EVI5L: variants seen among roughly 807,000 people sequenced by gnomAD.
EVI5L encodes EVI5-like protein.
In EVI5L, 30 loss-of-function variants were observed where a neutral mutation model predicts 106.1. The observed-to-expected ratio is 0.28, with a 90% CI of 0.21 to 0.38. The LOEUF (loss-of-function observed/expected upper bound fraction) is 0.38, where lower values mean the gene tolerates loss of function less well. Ranked by LOEUF, EVI5L falls within the 10% of genes least tolerant of loss-of-function variation. The probability of loss-of-function intolerance (pLI) is 1.00; values close to 1 mark genes in which losing one functional copy is unlikely to be tolerated. For synonymous variants in EVI5L, 489 were observed against 483.3 expected (o/e 1.01, Z -0.15); for missense variants, 809 against 1,098.0 (o/e 0.74, Z 3.72).
chr19:7,853,003 C>G lies in EVI5L; in HGVS notation c.988-83C>G, dbSNP rs755263820. The G allele has an allele frequency of 3.2e-5, 45 of 1,402,912 alleles. No homozygotes were observed. In the Admixed American group the frequency reaches 4.0e-4, roughly 12 times the overall value. 86.9% of individuals were successfully genotyped at this position (1,402,912 alleles called of 1,614,324 possible). A position where few individuals can be genotyped will look rare whatever the true frequency, so the allele number is the denominator to read the frequency against. On this transcript the variant is annotated intron_variant, in intron 8 of 19. Coordinates refer to ENST00000538904, the MANE Select transcript of EVI5L (RefSeq NM_001159944.3). ...CCCCGGGCAGACCCGTTCCTGCCCC[C>G]CTCCAGGGCAACAGGGCTCGGGCGG...
chr19:7,853,437 C>G, intron 10 of EVI5L, 104 bp downstream of exon 10: 1 of 1,462,294 alleles, frequency 6.8e-7, no homozygotes, highest in Non-Finnish European at 9.3e-7. Context: ...TCCCAGCGCA[C>G]AGGCGGACCC....
rs1978900865 is a variant in EVI5L, at chr19:7,845,197, G to A, written c.-47-1299G>A. On this transcript the variant is annotated intron_variant, in intron 1 of 19. Coordinates refer to ENST00000538904, the MANE Select transcript of EVI5L (RefSeq NM_001159944.3). This position sits in a 1 kb window ranked among gnomAD's most constrained non-coding sequence, Gnocchi z 4.0. ...AGCGTGCCGGGCAGTGGGCGGGCAT[G>A]AGGAGCCGTGCAAATAAGGAGGCAG... Among the ~76,000 whole-genome samples the A allele has an allele frequency of 6.6e-6, 1 of 152,172 alleles. No individual in the cohort carries two copies. Among genetic ancestry groups the A allele is most frequent in the Non-Finnish European group, 1.5e-5 (1 of 68,010 alleles).
chr19:7,857,069 T>TGGGAACCCCCTTCGCC lies in EVI5L; in HGVS notation c.1201-19_1201-4dup, dbSNP rs754035245. On this transcript the variant is annotated intron_variant, in intron 11 of 19. Coordinates refer to ENST00000538904, the MANE Select transcript of EVI5L (RefSeq NM_001159944.3). This position sits in a 1 kb window ranked among gnomAD's most constrained non-coding sequence, Gnocchi z 4.5. ...CCGCTCTGCCTCCTCCCCCTGTCGC[T>TGGGAACCCCCTTCGCC]GGGAACCCCCTTCGCCGGGTAGGAG... 2 of 1,551,854 alleles carry TGGGAACCCCCTTCGCC rather than the reference T, an allele frequency of 1.3e-6. No homozygotes were observed. Among genetic ancestry groups the TGGGAACCCCCTTCGCC allele is most frequent in the South Asian group, 2.4e-5 (2 of 84,066 alleles).
intron 10 of EVI5L, 39 bp downstream of exon 10, chr19:7,853,372 G>C: frequency 6.3e-7 from 1 of 1,584,852 alleles, no homozygotes; most frequent in Non-Finnish European, 8.6e-7. Context: ...AGGGATGGGA[G>C]GCCTTTGGGG....
chr19:7,852,378 G>A (rs1327210988), intron 8 of EVI5L, among the ~76,000 whole-genome samples: 2 of 152,198 alleles, frequency 1.3e-5, no homozygotes, highest in Admixed American at 1.3e-4. Context: ...GGGCCAGCTG[G>A]GCCGGGTGCA....
rs781641526 is a variant in EVI5L at position 7,850,167 on chromosome 19, A to G, written c.753+45A>G. On this transcript the variant is annotated intron_variant, in intron 6 of 19. Coordinates refer to ENST00000538904, the MANE Select transcript of EVI5L (RefSeq NM_001159944.3). The surrounding 1 kb of genome is among the most constrained non-coding windows in gnomAD (Gnocchi z 5.4). The stretch of plus-strand genomic sequence containing the variant: ...AGCAGGGCTGCAGGAGGGCAGGGCC[A>G]CAGGTGGGCAGGGCCGCAAGGGAGC... The G allele has an allele frequency of 2.2e-5, 35 of 1,574,850 alleles. No individual in the cohort carries two copies. The South Asian group carries it at 3.6e-4, about 16-fold the overall frequency.
intron 17 of EVI5L, 98 bp from the exon 18 acceptor site, chr19:7,862,874 C>T (rs1979907850): frequency 1.2e-6 from 1 of 824,678 alleles, no homozygotes. Flanking sequence ...CCTCCGCCCG[C>T]GGCCCCGCCT....
intron 1 of EVI5L, among the ~76,000 whole-genome samples, chr19:7,841,345 G>A (rs546483437): frequency 1.3e-5 from 2 of 152,138 alleles, no homozygotes; most frequent in African/African-American, 2.4e-5. Flanking sequence ...GAGATGCCAC[G>A]TGGGAGAATG....
intron 1 of EVI5L, among the ~76,000 whole-genome samples, chr19:7,840,417 G>T (rs1328141625): frequency 6.6e-5 from 10 of 152,262 alleles, no homozygotes; most frequent in African/African-American, 2.2e-4. Context: ...GGTGGAGGTT[G>T]CTGTGAGCCA....
chr19:7,830,883 C>T (rs1345091752), intron 1 of EVI5L, among the ~76,000 whole-genome samples: 4 of 148,214 alleles, frequency 2.7e-5, no homozygotes, highest in African/African-American at 7.5e-5. Flanking sequence ...AGAACTGCCC[C>T]CACCTCTCCC....
At chr19:7,830,673 G>A (rs1218901998) in intron 1 of EVI5L, among the ~76,000 whole-genome samples, 1 of 140,766 alleles carries the variant, frequency 7.1e-6, no homozygotes, top group Non-Finnish European at 1.5e-5. Context: ...CCTTTGCAGT[G>A]ACCCTCAGGA....
At position 7,864,633 on chromosome 19, in the gene EVI5L, G is replaced by C. The variant is rs1018107999; in HGVS notation, c.*931G>C. Reference sequence around the variant, plus strand: ...GTCCCGTTGTCTCTGCTGAATCAGAGCTGAGAACGGTGCCAAAATCCAACG... The same window carrying C: ...GTCCCGTTGTCTCTGCTGAATCAGACCTGAGAACGGTGCCAAAATCCAACG... On this transcript the variant is annotated 3_prime_UTR_variant, in exon 20 of 20. Transcript: ENST00000538904. This position sits in a 1 kb window ranked among gnomAD's most constrained non-coding sequence, Gnocchi z 4.5. 6.6e-6 allele frequency: 1 copy of C among 152,332 alleles called. No homozygotes were observed. The highest frequency in any genetic ancestry group is 2.1e-4 in the South Asian group (1 of 4,810). The allele number at this position is 152,332 out of a possible 1,614,324, so 9.4% of individuals were successfully genotyped here.
Position 7,848,059 on chromosome 19 carries a change from CAGGGTGTCCTGCCAGAGCACAGGGACAGG to C in EVI5L, c.327+141_327+169del. 1.1e-6 allele frequency: 1 copy of C among 937,618 alleles called. No individual in the cohort carries two copies. Among genetic ancestry groups the C allele is most frequent in the Non-Finnish European group, 1.6e-6 (1 of 643,980 alleles). 58.1% of individuals were successfully genotyped at this position (937,618 alleles called of 1,614,324 possible). A position where few individuals can be genotyped will look rare whatever the true frequency, so the allele number is the denominator to read the frequency against. ...AGCAGTGGAGATGTGCAGGCACTTTCAGGGTGTCCTGCCAGAGCACAGGGACAGGAGAGAGTGAGTCAGGGTGGTGCTGG... is the reference window on the plus strand; with the variant it reads ...AGCAGTGGAGATGTGCAGGCACTTTCAGAGAGTGAGTCAGGGTGGTGCTGG... On this transcript the variant is annotated intron_variant, in intron 3 of 19. Transcript: ENST00000538904. This position sits in a 1 kb window ranked among gnomAD's most constrained non-coding sequence, Gnocchi z 4.8.
Position 7,848,983 on chromosome 19 carries a change from C to T in EVI5L, c.390C>T (p.Ser130=), listed in dbSNP as rs1267629224. The change falls in exon 4 of 20, where the codon AGC becomes AGT. Residue 130 remains serine, a synonymous_variant. Transcript: ENST00000538904. This position sits in a 1 kb window ranked among gnomAD's most constrained non-coding sequence, Gnocchi z 4.8. ...FRAIVWQLLC[S]ATDMPVKNQY... is the part of the protein sequence containing the mutation. Reference sequence around the variant, plus strand: ...CCATCGTGTGGCAGCTTCTGTGCAGCGCCACGGACATGCCCGTCAAGAACC... The same window carrying T: ...CCATCGTGTGGCAGCTTCTGTGCAGTGCCACGGACATGCCCGTCAAGAACC... The T allele has an allele frequency of 1.2e-5, 20 of 1,613,442 alleles. No individual in the cohort carries two copies. The highest frequency in any genetic ancestry group is 4.0e-5 in the African/African-American group (3 of 74,938).
chr19:7,850,189 G>A lies in EVI5L; in HGVS notation c.753+67G>A, dbSNP rs1387224758. 5.8e-6 allele frequency: 9 copies of A among 1,543,626 alleles called. No homozygotes were observed. In the South Asian group the frequency reaches 9.5e-5, roughly 16 times the overall value. On this transcript the variant is annotated intron_variant, in intron 6 of 19. Coordinates refer to ENST00000538904, the MANE Select transcript of EVI5L (RefSeq NM_001159944.3). This position sits in a 1 kb window ranked among gnomAD's most constrained non-coding sequence, Gnocchi z 5.4. ...GCCACAGGTGGGCAGGGCCGCAAGG[G>A]AGCAGGATCGCAGAAGGGCAGGGCT...
rs1399351577 is a variant in EVI5L, at chr19:7,856,842, C to A, written c.1201-250C>A. 2 of 679,446 alleles carry A rather than the reference C, an allele frequency of 2.9e-6. No homozygotes were observed. Among genetic ancestry groups the A allele is most frequent in the African/African-American group, 3.5e-5 (2 of 56,782 alleles). The allele number at this position is 679,446 out of a possible 1,614,324, so 42.1% of individuals were successfully genotyped here. A position where few individuals can be genotyped will look rare whatever the true frequency, so the allele number is the denominator to read the frequency against. On this transcript the variant is annotated intron_variant, in intron 11 of 19. Coordinates refer to ENST00000538904, the MANE Select transcript of EVI5L (RefSeq NM_001159944.3). The surrounding 1 kb of genome is among the most constrained non-coding windows in gnomAD (Gnocchi z 6.6). The stretch of plus-strand genomic sequence containing the variant: ...GGGTTTCCCAGCCCTGCGGCCTCCC[C>A]CACAGCCGCGGGCACCCCCGACCTC...
chr19:7,846,748 G>C, intron 2 of EVI5L, 69 bp downstream of exon 2: 1 of 1,554,638 alleles, frequency 6.4e-7, no homozygotes, highest in Non-Finnish European at 8.7e-7. Flanking sequence ...GAGTTCCCAG[G>C]TGCCCTCACA....
intron 8 of EVI5L, 33 bp downstream of exon 8, chr19:7,851,803 C>A: frequency 2.7e-6 from 4 of 1,476,352 alleles, no homozygotes; most frequent in Middle Eastern, 2.1e-4. Flanking sequence ...GGTGGGGCTG[C>A]CCCCAATCAG....
intron 1 of EVI5L, among the ~76,000 whole-genome samples, chr19:7,839,049 T>C (rs1229914131): frequency 6.7e-6 from 1 of 149,802 alleles, no homozygotes; most frequent in Non-Finnish European, 1.5e-5. Context: ...ACGCCTGTAA[T>C]CTCAGAACTT....
Sources: allele counts gnomAD v4.1 joint callset (sites outside exome capture counted in the v4.1 genomes callset), GRCh38; gene constraint gnomAD v4.1.1; non-coding constraint Gnocchi (gnomAD v3.1); transcripts MANE v1.5; gene names NCBI Gene and HGNC (gene_info 2026-07-23, HGNC 2026-07-21).